Variants in HAO1 observed in about 807,000 individuals in gnomAD.
The protein encoded by HAO1 is 2-Hydroxyacid oxidase 1.
Under a neutral mutation model 39.7 loss-of-function variants are expected in HAO1, and 34 were observed. The observed-to-expected ratio is 0.86, with a 90% CI of 0.65 to 1.14. The LOEUF (loss-of-function observed/expected upper bound fraction) is 1.14. Among genes scored for constraint, HAO1 ranks in the 50% most tolerant of loss-of-function variants. The pLI is 0.00. For missense variants in HAO1, 479 were observed against 464.5 expected (o/e 1.03, Z -0.29); for synonymous variants, 172 against 173.2 (o/e 0.99, Z 0.05).
chr20:7,939,519 C>T (rs2050431006), intron 1 of HAO1, among the ~76,000 whole-genome samples: 1 of 152,110 alleles, frequency 6.6e-6, no homozygotes, highest in Non-Finnish European at 1.5e-5. Context: ...ATTGCCTTTA[C>T]TAACAGCCAT....
At chr20:7,919,091 T>A (rs1366175286) in intron 2 of HAO1, among the ~76,000 whole-genome samples, 10 of 152,330 alleles carry the variant, frequency 6.6e-5, no homozygotes, top group Non-Finnish European at 1.5e-5. Context: ...TGAGGTCATA[T>A]TAACATAAAG....
Position 7,906,311 on chromosome 20 carries a change from G to C in HAO1, c.564C>G (p.Thr188=), listed in dbSNP as rs747917035. ...PPQLRMKNFE[T]STLSFSPEEN... is the part of the protein sequence containing the mutation. Reference sequence around the variant, plus strand: ...CCTCAGGAGAAAATGATAAAGTACTGGTTTCAAAATTTTTCATCCTAAAAT... The same window carrying C: ...CCTCAGGAGAAAATGATAAAGTACTCGTTTCAAAATTTTTCATCCTAAAAT... Residue 188 remains threonine (T), a synonymous_variant, in exon 4 of 8, where the codon ACC becomes ACG. Transcript: ENST00000378789. The C allele has an allele frequency of 6.2e-7, 1 of 1,602,974 alleles. No individual in the cohort carries two copies. Among genetic ancestry groups the C allele is most frequent in the Non-Finnish European group, 8.5e-7 (1 of 1,172,858 alleles).
rs149739792 is a variant in HAO1, at chr20:7,886,749, A to G, written c.814-885T>C. ...TTGGTGATGATGGACATAGGTTGGC[A>G]TCAAAGTGCACTTGCCTGCACCTTA... is the stretch of plus-strand genomic sequence containing the variant. On this transcript the variant is annotated intron_variant, in intron 5 of 7. Coordinates refer to ENST00000378789, the MANE Select transcript of HAO1 (RefSeq NM_017545.3). Among the ~76,000 whole-genome samples the G allele has an allele frequency of 6.0e-3, 911 of 152,332 alleles. 8 individuals carry two copies. The highest frequency in any genetic ancestry group is 0.021 in the African/African-American group (875 of 41,578).
At chr20:7,891,914 AG>A (rs1171002333) in intron 5 of HAO1, among the ~76,000 whole-genome samples, 3 of 152,140 alleles carry the variant, frequency 2.0e-5, no homozygotes, top group Non-Finnish European at 4.4e-5. Flanking sequence ...TCTGAGAAAA[AG>A]CTTTGTGCTG....
At chr20:7,892,711 A>G (rs1194335787) in intron 5 of HAO1, among the ~76,000 whole-genome samples, 3 of 152,188 alleles carry the variant, frequency 2.0e-5, no homozygotes, top group African/African-American at 7.2e-5. Context: ...CAGTTCTGAG[A>G]GAGGTGGTGG....
At chr20:7,920,204 T>A (rs2050324562) in intron 2 of HAO1, among the ~76,000 whole-genome samples, 1 of 152,048 alleles carries the variant, frequency 6.6e-6, no homozygotes, top group South Asian at 2.1e-4. Flanking sequence ...TATAAGGGAC[T>A]CTTCCCCCTT....
At chr20:7,918,034 A>T (rs2050314935) in intron 2 of HAO1, among the ~76,000 whole-genome samples, 1 of 152,248 alleles carries the variant, frequency 6.6e-6, no homozygotes. Context: ...TCCAATAAGT[A>T]AATCATACAT....
Position 7,885,610 on chromosome 20 carries a change from C to T in HAO1, c.973-20G>A. 6.3e-7 allele frequency: 1 copy of T among 1,578,950 alleles called. No homozygotes were observed. Among genetic ancestry groups the T allele is most frequent in the Non-Finnish European group, 8.7e-7 (1 of 1,148,708 alleles). ...CTCCCCCTAACCAAGTGAAAAGATA[C>T]AGAGTGATTCAGAACTAAATCAGTC... is the stretch of plus-strand genomic sequence containing the variant. On this transcript the variant is annotated intron_variant, in intron 6 of 7. Coordinates refer to ENST00000378789, the MANE Select transcript of HAO1 (RefSeq NM_017545.3).
intron 2 of HAO1, among the ~76,000 whole-genome samples, chr20:7,930,753 C>A (rs1279514268): frequency 5.3e-5 from 8 of 152,176 alleles, no homozygotes; most frequent in African/African-American, 1.9e-4. Context: ...TGCTGTACAT[C>A]ATTAGCTAGG....
chr20:7,926,481 T>A (rs751841927), intron 2 of HAO1, among the ~76,000 whole-genome samples: 1 of 152,142 alleles, frequency 6.6e-6, no homozygotes, highest in Non-Finnish European at 1.5e-5. Context: ...CATAAATATA[T>A]AAATCAATAA....
At chr20:7,884,282 A>T (rs568196310) in intron 7 of HAO1, among the ~76,000 whole-genome samples, 1 of 152,218 alleles carries the variant, frequency 6.6e-6, no homozygotes, top group East Asian at 1.9e-4. Context: ...AAATACTGCA[A>T]TCAAGACAAC....
At chr20:7,885,247 G>T (rs890764126) in intron 7 of HAO1, among the ~76,000 whole-genome samples, 6 of 152,138 alleles carry the variant, frequency 3.9e-5, no homozygotes, top group African/African-American at 1.4e-4. Context: ...GTGTTCATGT[G>T]TTATGAGATG....
At chr20:7,889,350 T>C (rs988798426) in intron 5 of HAO1, among the ~76,000 whole-genome samples, 2 of 152,168 alleles carry the variant, frequency 1.3e-5, no homozygotes, top group Admixed American at 1.3e-4. Flanking sequence ...CCAGATAGCA[T>C]CAAAATGAAA....
Position 7,934,490 on chromosome 20 carries a change from C to T in HAO1, c.283G>A (p.Val95Met), listed in dbSNP as rs1394472992. 1.2e-6 allele frequency: 2 copies of T among 1,608,488 alleles called. No individual in the cohort carries two copies. Among genetic ancestry groups the T allele is most frequent in the Admixed American group, 1.7e-5 (1 of 58,534 alleles). Reference protein sequence around the residue: ...MAHVDGELATVRACQSLGTGM... With the variant: ...MAHVDGELATMRACQSLGTGM... Reference sequence around the variant, plus strand: ...GTGACAATCTTCCTCCTACCTCTCACAGTGGCAAGCTCGCCGTCCACATGA... The same window carrying T: ...GTGACAATCTTCCTCCTACCTCTCATAGTGGCAAGCTCGCCGTCCACATGA... The change falls in exon 2 of 8, where the codon GTG (valine) becomes ATG (methionine). Residue 95 changes from valine to methionine, a missense_variant. Physicochemically the swap from Val to Met is conservative, Grantham distance 21 (BLOSUM62 1). Coordinates refer to ENST00000378789, the MANE Select transcript of HAO1 (RefSeq NM_017545.3).
chr20:7,890,370 T>A (rs1211641782), intron 5 of HAO1, among the ~76,000 whole-genome samples: 1 of 151,872 alleles, frequency 6.6e-6, no homozygotes, highest in Non-Finnish European at 1.5e-5. Context: ...CCAACCACCA[T>A]GCCCGGCTAA....
intron 4 of HAO1, among the ~76,000 whole-genome samples, chr20:7,897,479 CATT>C (rs983088083): frequency 1.3e-5 from 2 of 152,024 alleles, no homozygotes; most frequent in African/African-American, 4.8e-5. Flanking sequence ...TTATTGTTCT[CATT>C]GTTGTTTTAC....
chr20:7,901,444 A>C (rs1240885139), intron 4 of HAO1, among the ~76,000 whole-genome samples: 1 of 152,168 alleles, frequency 6.6e-6, no homozygotes, highest in African/African-American at 2.4e-5. Context: ...GTGCTCTATA[A>C]ATAAAACAAC....
intron 2 of HAO1, among the ~76,000 whole-genome samples, chr20:7,925,213 T>C (rs1447400393): frequency 1.3e-5 from 2 of 152,186 alleles, no homozygotes; most frequent in Non-Finnish European, 2.9e-5. Flanking sequence ...ATGCTTGAAA[T>C]ACTTAAAAGT....
At chr20:7,919,714 G>A (rs945265258) in intron 2 of HAO1, among the ~76,000 whole-genome samples, 3 of 152,098 alleles carry the variant, frequency 2.0e-5, no homozygotes, top group Non-Finnish European at 2.9e-5. Context: ...TGTAATCTCT[G>A]AAGCCATGCA....
Sources: gnomAD v4.1 joint callset for allele counts (sites outside exome capture counted in the v4.1 genomes callset) on GRCh38, gnomAD v4.1.1 for gene constraint, MANE v1.5 for transcripts, NCBI Gene and HGNC (gene_info 2026-07-23, HGNC 2026-07-21) for gene names.